The following ABL1 variants were observed in gnomAD, a reference collection of about 807,000 sequenced individuals.
The protein encoded by ABL1 is ABL proto-oncogene 1, non-receptor tyrosine kinase.
A neutral mutation model predicts 94.7 loss-of-function variants in ABL1; 11 were observed. The ratio of observed to expected loss-of-function variants is 0.12; its 90% CI spans 0.07 to 0.19. The LOEUF is 0.19. Among genes scored for constraint, ABL1 ranks in the 10% least tolerant of loss-of-function variants. The pLI, the probability that ABL1 is intolerant of heterozygous loss-of-function variation, is 1.00. For missense variants in ABL1, 1,082 were observed against 1,489.4 expected (o/e 0.73, Z 4.50); for synonymous variants, 656 against 622.4 (o/e 1.05, Z -0.80).
chr9:130,848,191 T>C (rs1194457567), intron 1 of ABL1, among the ~76,000 whole-genome samples: 2 of 151,972 alleles, frequency 1.3e-5, no homozygotes, highest in Non-Finnish European at 2.9e-5. Flanking sequence ...TGCTTTTTCA[T>C]GTTAAATTAT....
intron 1 of ABL1, among the ~76,000 whole-genome samples, chr9:130,739,344 A>G (rs115750957): frequency 0.024 from 3,583 of 151,578 alleles, 51 homozygotes; most frequent in African/African-American, 0.036. Context: ...TGTCAATCTA[A>G]ATGCATAGTC....
Position 130,880,542 on chromosome 9 carries a change from T to C in ABL1, c.1556T>C (p.Val519Ala). The C allele has an allele frequency of 6.2e-7, 1 of 1,613,868 alleles. No homozygotes were observed. The highest frequency in any genetic ancestry group is 8.5e-7 in the Non-Finnish European group (1 of 1,179,914). The change falls in exon 10 of 11, where the codon GTG becomes GCG. Residue 519 changes from valine (V) to alanine (A), a missense_variant. By Grantham distance (64) the Val-to-Ala change is moderately conservative. This residue lies in a region of ABL1 where 780 missense variants were observed against 835.8 expected (regional missense o/e 0.93). Transcript: ENST00000318560. The surrounding 1 kb of genome is among the most constrained non-coding windows in gnomAD (Gnocchi z 4.4). The stretch of plus-strand genomic sequence containing the variant: ...GGGAAACAAGGCGTCCGTGGGGCTG[T>C]GAGTACCTTGCTGCAGGCCCCAGAG... The part of the protein sequence containing the change: ...ELGKQGVRGA[V>A]STLLQAPELP...
intron 1 of ABL1, among the ~76,000 whole-genome samples, chr9:130,767,769 T>A (rs1165062038): frequency 2.6e-5 from 4 of 151,744 alleles, no homozygotes; most frequent in Admixed American, 6.5e-5. Context: ...GTGTGCACAC[T>A]CACACACACG....
intron 1 of ABL1, among the ~76,000 whole-genome samples, chr9:130,746,748 T>C (rs1358055646): frequency 6.6e-6 from 1 of 152,134 alleles, no homozygotes; most frequent in African/African-American, 2.4e-5. Flanking sequence ...TAAGCATTTC[T>C]GTACTGTTTT....
At chr9:130,772,983 C>T (rs1832270521) in intron 1 of ABL1, among the ~76,000 whole-genome samples, 1 of 152,170 alleles carries the variant, frequency 6.6e-6, no homozygotes. Flanking sequence ...TAATGAATAG[C>T]TGAACTTGCA....
intron 1 of ABL1, among the ~76,000 whole-genome samples, chr9:130,776,099 A>G (rs1355187935): frequency 6.6e-6 from 1 of 152,254 alleles, no homozygotes; most frequent in African/African-American, 2.4e-5. Context: ...AAAAAGGAAG[A>G]ATGTCTGCAA....
At chr9:130,869,391 A>AG (rs1334832324) in intron 4 of ABL1, among the ~76,000 whole-genome samples, 2 of 152,230 alleles carry the variant, frequency 1.3e-5, no homozygotes, top group Admixed American at 6.5e-5. Flanking sequence ...TCTGTGCACA[A>AG]GGGAGATACT....
At position 130,885,615 on chromosome 9, in the gene ABL1, G is replaced by A; in HGVS notation, c.3325G>A (p.Ala1109Thr). The A allele has an allele frequency of 6.2e-7, 1 of 1,613,408 alleles. No homozygotes were observed. Among genetic ancestry groups the A allele is most frequent in the Non-Finnish European group, 8.5e-7 (1 of 1,179,888 alleles). ...ICPATAGSGP[A>T]ATQDFSKLLS... ...CCCGGCGACAGCAGGCAGTGGTCCA[G>A]CGGCCACTCAGGACTTCAGCAAGCT... The change falls in exon 11 of 11, where the codon GCG (alanine) becomes ACG (threonine). Residue 1109 changes from alanine (A) to threonine (T), a missense_variant. Physicochemically the swap from Ala to Thr is moderately conservative, Grantham distance 58. Transcript: ENST00000318560.
upstream of ABL1, among the ~76,000 whole-genome samples, chr9:130,832,211 C>T (rs1376469758): frequency 6.6e-6 from 1 of 150,866 alleles, no homozygotes; most frequent in Non-Finnish European, 1.5e-5. Flanking sequence ...GCATCCTCCA[C>T]CTCCCAGGTT....
At chr9:130,839,122 A>G (rs1353023136) in intron 1 of ABL1, among the ~76,000 whole-genome samples, 3 of 147,452 alleles carry the variant, frequency 2.0e-5, no homozygotes, top group African/African-American at 7.5e-5. Flanking sequence ...TATTTTTACT[A>G]GTTTGCCCGG....
At chr9:130,717,338 C>T (rs1303060785) in intron 1 of ABL1, among the ~76,000 whole-genome samples, 1 of 152,150 alleles carries the variant, frequency 6.6e-6, no homozygotes, top group Non-Finnish European at 1.5e-5. Context: ...CCACCGTGCC[C>T]AGCCAAACCA....
intron 1 of ABL1, chr9:130,724,747 T>TAAA (rs34124679): frequency 2.4e-3 from 737 of 309,732 alleles, no homozygotes; most frequent in East Asian, 4.1e-3. Context: ...ACCCTGTCTT[T>TAAA]AAAAAAAAAA....
intron 1 of ABL1, among the ~76,000 whole-genome samples, chr9:130,735,961 A>ATATATATATTTTT (rs573602038): frequency 6.9e-4 from 65 of 94,830 alleles, no homozygotes; most frequent in East Asian, 2.9e-3. Context: ...ATATATATAT[A>ATATATATATTTTT]TTTTTTTTTT....
In ABL1 at chr9:130,885,347, A is replaced by G. The variant is rs760947893; in HGVS notation, c.3057A>G (p.Pro1019=). ...CTCTTCGGAAAACCCGCCAGCCTCC[A>G]GAGCGGATCGCCAGCGGCGCCATCA... The part of the protein sequence containing the change: ...RVSLRKTRQP[P]ERIASGAITK... Residue 1019 remains proline, a synonymous_variant, in exon 11 of 11, where the codon CCA becomes CCG. Transcript: ENST00000318560. 6.2e-7 allele frequency: 1 copy of G among 1,613,686 alleles called. No individual in the cohort carries two copies. The highest frequency in any genetic ancestry group is 8.5e-7 in the Non-Finnish European group (1 of 1,180,020).
At chr9:130,716,041 C>CAT (rs1294418911) in intron 1 of ABL1, among the ~76,000 whole-genome samples, 147 of 142,384 alleles carry the variant, frequency 1.0e-3, no homozygotes, top group African/African-American at 3.5e-3. Flanking sequence ...CACACACACA[C>CAT]ATATATATCC....
chr9:130,770,946 A>G (rs562420704), intron 1 of ABL1, among the ~76,000 whole-genome samples: 16 of 152,336 alleles, frequency 1.1e-4, no homozygotes, highest in Non-Finnish European at 2.1e-4. Context: ...TCCTGAAGGA[A>G]CAGATAATAT....
Position 130,872,853 on chromosome 9 carries a change from T to C in ABL1, c.908-7T>C. 1 of 1,602,884 alleles carries C rather than the reference T, an allele frequency of 6.2e-7. No homozygotes were observed. The highest frequency in any genetic ancestry group is 1.1e-5 in the South Asian group (1 of 90,418). ...ACGTGTTGAAGTCCTCGTTGTCTTG[T>C]TGGCAGGGGTCTGCACCCGGGAGCC... On this transcript the variant is annotated splice_polypyrimidine_tract_variant and splice_region_variant and intron_variant, in intron 5 of 10. Transcript: ENST00000318560. The surrounding 1 kb of genome is among the most constrained non-coding windows in gnomAD (Gnocchi z 5.0).
intron 1 of ABL1, among the ~76,000 whole-genome samples, chr9:130,837,094 C>G (rs1478664221): frequency 1.3e-5 from 2 of 152,194 alleles, no homozygotes; most frequent in African/African-American, 4.8e-5. Context: ...CCTCTTCTGT[C>G]TCTGGGATTC....
At chr9:130,774,291 T>G (rs1374669341) in intron 1 of ABL1, among the ~76,000 whole-genome samples, 6 of 152,212 alleles carry the variant, frequency 3.9e-5, no homozygotes, top group Non-Finnish European at 8.8e-5. Context: ...CAAAGCTTTG[T>G]GTGGACATTT....
Sources: allele counts gnomAD v4.1 joint callset (sites outside exome capture counted in the v4.1 genomes callset), GRCh38; gene constraint gnomAD v4.1.1; regional missense constraint gnomAD v4.1.1; non-coding constraint Gnocchi (gnomAD v3.1); transcripts MANE v1.5; gene names NCBI Gene and HGNC (gene_info 2026-07-23, HGNC 2026-07-21).